SLC24A4: variants seen among roughly 807,000 people sequenced by gnomAD.
The protein encoded by SLC24A4 is sodium/potassium/calcium exchanger 4.
In SLC24A4, 53 loss-of-function variants were observed where a neutral mutation model predicts 79.0. The observed-to-expected ratio is 0.67, with a 90% CI of 0.54 to 0.84. The LOEUF is 0.84. Among genes scored for constraint, SLC24A4 ranks in the 40% least tolerant of loss-of-function variants. The probability of loss-of-function intolerance (pLI) is 0.00; values close to 1 mark genes in which losing one functional copy is unlikely to be tolerated. For missense variants in SLC24A4, 731 were observed against 822.0 expected (o/e 0.89, Z 1.35); for synonymous variants, 323 against 323.8 (o/e 1.00, Z 0.03).
chr14:92,485,296 TC>T (rs1895288052), intron 13 of SLC24A4, among the ~76,000 whole-genome samples: 1 of 151,970 alleles, frequency 6.6e-6, no homozygotes, highest in African/African-American at 2.4e-5. Flanking sequence ...AGACCCTGTG[TC>T]TACAAAAAAT....
intron 2 of SLC24A4, among the ~76,000 whole-genome samples, chr14:92,384,564 G>A (rs1889041103): frequency 6.6e-6 from 1 of 152,074 alleles, no homozygotes; most frequent in Admixed American, 6.5e-5. Context: ...TTCGGTGTAG[G>A]GACAGGTAGA....
chr14:92,462,247 A>G (rs1444290369), intron 12 of SLC24A4: 1 of 152,216 alleles, frequency 6.6e-6, no homozygotes, highest in Admixed American at 6.5e-5. Flanking sequence ...TCAGCCTGCA[A>G]TGCAATTTGG....
chr14:92,492,224 G>T lies in SLC24A4; in HGVS notation c.1700G>T (p.Gly567Val). ...GLVYSVVLLL[G>V]SVALTVLGIH... ...GTCTATTCCGTGGTCCTGTTGCTGG[G>T]CTCTGTCGCTCTCACCGTGAGTCTT... is the stretch of plus-strand genomic sequence containing the variant. The change falls in exon 16 of 17, where the codon GGC (glycine) becomes GTC (valine). Residue 567 changes from glycine (G) to valine (V), a missense_variant. Physicochemically the swap from Gly to Val is moderately radical, Grantham distance 109 (BLOSUM62 -3). Transcript: ENST00000532405. 6.2e-7 allele frequency: 1 copy of T among 1,614,064 alleles called. No individual in the cohort carries two copies. The highest frequency in any genetic ancestry group is 8.5e-7 in the Non-Finnish European group (1 of 1,179,982).
intron 2 of SLC24A4, among the ~76,000 whole-genome samples, chr14:92,386,825 C>T (rs929034837): frequency 9.9e-5 from 15 of 152,190 alleles, no homozygotes; most frequent in Non-Finnish European, 1.5e-4. Context: ...TGGCCTGTGA[C>T]GCTAACCTTG....
At chr14:92,470,404 G>T (rs1244750092) in intron 12 of SLC24A4, among the ~76,000 whole-genome samples, 1 of 152,166 alleles carries the variant, frequency 6.6e-6, no homozygotes, top group Non-Finnish European at 1.5e-5. Flanking sequence ...CCCTTAATTG[G>T]AATGTGGAAT....
At chr14:92,452,218 C>T (rs1245702410) in intron 10 of SLC24A4, 1 of 152,252 alleles carries the variant, frequency 6.6e-6, no homozygotes, top group Non-Finnish European at 1.5e-5. Flanking sequence ...AGGCTCTCTC[C>T]TTCTGAGCCC....
chr14:92,393,822 C>A (rs1332698329), intron 2 of SLC24A4, among the ~76,000 whole-genome samples: 1 of 151,914 alleles, frequency 6.6e-6, no homozygotes, highest in Non-Finnish European at 1.5e-5. Context: ...ACCAGCCTGG[C>A]CAGCCTGGTG....
rs149479522 is a variant in SLC24A4 at position 92,351,628 on chromosome 14, G to A, written c.241+25650G>A. 2.3e-3 allele frequency among the ~76,000 whole-genome samples: 349 copies of A among 152,288 alleles called. 5 individuals carry two copies. Among genetic ancestry groups the A allele is most frequent in the Admixed American group, 0.016 (249 of 15,292 alleles). On this transcript the variant is annotated intron_variant, in intron 2 of 16. Coordinates refer to ENST00000532405, the MANE Select transcript of SLC24A4 (RefSeq NM_153646.4). ...TCCCAGAACTTCGGGAGGCCGAGGC[G>A]GGTGGATCACTTGAAGCCAGGAGTT...
chr14:92,397,598 G>A (rs1008102214), intron 2 of SLC24A4, among the ~76,000 whole-genome samples: 5 of 152,212 alleles, frequency 3.3e-5, no homozygotes, highest in Non-Finnish European at 5.9e-5. Context: ...GGGGCAGTGG[G>A]TGCAACTGTG....
intron 2 of SLC24A4, among the ~76,000 whole-genome samples, chr14:92,399,219 G>A (rs1889952355): frequency 6.6e-6 from 1 of 152,118 alleles, no homozygotes; most frequent in Non-Finnish European, 1.5e-5. Context: ...TGCACACCGA[G>A]TTAAAAATGT....
At chr14:92,413,726 C>T (rs1373302617) in intron 2 of SLC24A4, among the ~76,000 whole-genome samples, 6 of 152,198 alleles carry the variant, frequency 3.9e-5, no homozygotes, top group African/African-American at 1.4e-4. Context: ...GTTCCGGGGA[C>T]AGACCTGCTG....
intron 2 of SLC24A4, among the ~76,000 whole-genome samples, chr14:92,384,970 A>G (rs1307241335): frequency 1.3e-5 from 2 of 152,212 alleles, no homozygotes; most frequent in Admixed American, 1.3e-4. Context: ...CCATTCCTGT[A>G]TCTGTAATGA....
Position 92,372,867 on chromosome 14 carries a change from C to CCCTTCCTT in SLC24A4, c.241+46934_241+46941dup, listed in dbSNP as rs1276150058. 7.9e-3 allele frequency among the ~76,000 whole-genome samples: 873 copies of CCCTTCCTT among 109,868 alleles called. 36 individuals are homozygous for CCCTTCCTT. The highest frequency in any genetic ancestry group is 0.029 in the African/African-American group (806 of 27,976). The allele number at this position is 109,868 out of a possible 152,430, so 72.1% of individuals were successfully genotyped here. On this transcript the variant is annotated intron_variant, in intron 2 of 16. Transcript: ENST00000532405. ...CCTCTAGAACAGAAAGGGTCACTGT[C>CCCTTCCTT]CCTTCCTTCCTTCCTTCCTTCCTTC...
chr14:92,456,724 A>G, intron 12 of SLC24A4, 116 bp downstream of exon 12: 1 of 1,042,124 alleles, frequency 9.6e-7, no homozygotes, highest in Non-Finnish European at 1.4e-6. Flanking sequence ...GGCTGGTGCA[A>G]AGGGTCGATA....
chr14:92,482,779 T>G lies in SLC24A4; in HGVS notation c.1355T>G (p.Phe452Cys), dbSNP rs200218380. 8 of 1,614,090 alleles carry G rather than the reference T, an allele frequency of 5.0e-6. No individual in the cohort carries two copies. In the South Asian group the frequency reaches 8.8e-5, roughly 18 times the overall value. ...PNCSKPRWEK[F>C]FMVTFITATL... ...TGCAGCAAGCCCCGCTGGGAGAAGT[T>G]CTTCATGGTCACCTTCATCACCGCC... Residue 452 changes from phenylalanine to cysteine, a missense_variant, in exon 13 of 17, where the codon TTC (phenylalanine) becomes TGC (cysteine). Phe to Cys is a radical substitution (Grantham distance 205, BLOSUM62 -2). Transcript: ENST00000532405.
chr14:92,478,098 T>A (rs1285387409), intron 12 of SLC24A4, among the ~76,000 whole-genome samples: 1 of 152,202 alleles, frequency 6.6e-6, no homozygotes, highest in Non-Finnish European at 1.5e-5. Context: ...TGAGCTGCTG[T>A]GCCCAGCCCC....
intron 2 of SLC24A4, among the ~76,000 whole-genome samples, chr14:92,385,322 T>A (rs1001187408): frequency 1.3e-5 from 2 of 151,964 alleles, no homozygotes; most frequent in Non-Finnish European, 2.9e-5. Flanking sequence ...CTGGCCAACA[T>A]GGTGAAACCC....
intron 7 of SLC24A4, 135 bp from the exon 8 acceptor site, chr14:92,445,182 A>G: frequency 1.1e-6 from 1 of 948,890 alleles, no homozygotes; most frequent in South Asian, 1.3e-5. Flanking sequence ...GTAGGTGAGC[A>G]GCTCAGAAAT....
chr14:92,366,958 G>T (rs191564848), intron 2 of SLC24A4, among the ~76,000 whole-genome samples: 2 of 152,202 alleles, frequency 1.3e-5, no homozygotes, highest in African/African-American at 4.8e-5. Context: ...TTGTTCTGGG[G>T]TCAGTGCCTT....
Sources: gnomAD v4.1 joint callset for allele counts (sites outside exome capture counted in the v4.1 genomes callset) on GRCh38, gnomAD v4.1.1 for gene constraint, MANE v1.5 for transcripts, NCBI Gene and HGNC (gene_info 2026-07-23, HGNC 2026-07-21) for gene names.